Variants in CCDC192 observed in about 807,000 individuals in gnomAD.
The protein encoded by CCDC192 is coiled-coil domain-containing protein 192.
At chr5:127,729,935 C>T (rs186145522) in intron 2 of CCDC192, among the ~76,000 whole-genome samples, 5 of 152,038 alleles carry the variant, frequency 3.3e-5, no homozygotes, top group Non-Finnish European at 5.9e-5. Flanking sequence ...GATCTCAAAT[C>T]GACATCGTAA....
At chr5:127,705,087 G>A (rs1237270284) in intron 1 of CCDC192, among the ~76,000 whole-genome samples, 2 of 152,102 alleles carry the variant, frequency 1.3e-5, no homozygotes, top group Non-Finnish European at 2.9e-5. Context: ...AGTGAACCCT[G>A]AAGTAAGAAA....
chr5:127,737,242 T>G (rs1170217846), intron 2 of CCDC192, among the ~76,000 whole-genome samples: 166 of 152,184 alleles, frequency 1.1e-3, no homozygotes, highest in East Asian at 3.9e-3. Context: ...GAGCGGTTTT[T>G]AGTGAGATTC....
chr5:127,784,543 T>C, intron 3 of CCDC192: 1 of 408,208 alleles, frequency 2.4e-6, no homozygotes. Context: ...TGCTGTAAAC[T>C]TGAGTTGTTT....
chr5:127,843,936 A>C (rs1750415966), intron 5 of CCDC192, among the ~76,000 whole-genome samples: 1 of 152,368 alleles, frequency 6.6e-6, no homozygotes, highest in Middle Eastern at 3.4e-3. Context: ...TAACTGTTTT[A>C]ATCTTCTTTA....
At chr5:127,851,157 C>A (rs1008618258) in intron 5 of CCDC192, among the ~76,000 whole-genome samples, 1 of 152,138 alleles carries the variant, frequency 6.6e-6, no homozygotes. Context: ...TTTCTGATCT[C>A]ATTCTCCAAA....
chr5:127,775,566 C>T (rs2126920380), intron 3 of CCDC192, among the ~76,000 whole-genome samples: 1 of 152,334 alleles, frequency 6.6e-6, no homozygotes, highest in Non-Finnish European at 1.5e-5. Flanking sequence ...CAATCATCTC[C>T]TGATTTCTTA....
In CCDC192 at chr5:127,800,919, A is replaced by C. The variant is rs552978267; in HGVS notation, c.411+2757A>C. On this transcript the variant is annotated intron_variant, in intron 5 of 6. Coordinates refer to ENST00000514853, the MANE Select transcript of CCDC192 (RefSeq NM_001317938.2). ...GCTCTTTTTAATCGTCTTATATTTT[A>C]ATTATTGTAACTGGCCCCAAATTGT... Among the ~76,000 whole-genome samples, 49 of 152,234 alleles carry C rather than the reference A, an allele frequency of 3.2e-4. 1 individual carries two copies. The highest frequency in any genetic ancestry group is 1.2e-3 in the African/African-American group (49 of 41,550).
chr5:127,804,899 A>T (rs1335694595), intron 5 of CCDC192, among the ~76,000 whole-genome samples: 1 of 152,152 alleles, frequency 6.6e-6, no homozygotes, highest in Non-Finnish European at 1.5e-5. Context: ...TGACCAGGAC[A>T]TTGTCCCCGA....
intron 5 of CCDC192, among the ~76,000 whole-genome samples, chr5:127,811,067 C>T (rs1047365537): frequency 2.6e-5 from 4 of 152,176 alleles, no homozygotes; most frequent in African/African-American, 4.8e-5. Context: ...CATCAGGCCT[C>T]TTTACATATA....
chr5:127,870,544 G>C (rs1220485882), intron 5 of CCDC192, among the ~76,000 whole-genome samples: 1 of 152,236 alleles, frequency 6.6e-6, no homozygotes, highest in East Asian at 1.9e-4. Context: ...ACAAGGATTA[G>C]GTCCAGCTGA....
chr5:127,808,741 T>G (rs1214387353), intron 5 of CCDC192, among the ~76,000 whole-genome samples: 2 of 152,216 alleles, frequency 1.3e-5, no homozygotes, highest in African/African-American at 4.8e-5. Flanking sequence ...TCCTTGTGCA[T>G]ATTCCATGGA....
chr5:127,792,590 C>T (rs1281222586), intron 3 of CCDC192, among the ~76,000 whole-genome samples: 1 of 151,256 alleles, frequency 6.6e-6, no homozygotes, highest in Admixed American at 6.6e-5. Flanking sequence ...GCTGTAGTCT[C>T]AGCTACCCAG....
intron 2 of CCDC192, among the ~76,000 whole-genome samples, chr5:127,732,191 C>T (rs1424273694): frequency 2.6e-5 from 4 of 151,670 alleles, no homozygotes; most frequent in African/African-American, 9.7e-5. Flanking sequence ...AAGACATGAA[C>T]AGACACTTCT....
intron 6 of CCDC192, among the ~76,000 whole-genome samples, chr5:127,888,876 C>G (rs186800212): frequency 6.6e-6 from 1 of 152,098 alleles, no homozygotes; most frequent in Non-Finnish European, 1.5e-5. Flanking sequence ...CTAATCTTTT[C>G]TTTTTCATAG....
chr5:127,867,870 A>G (rs912785706), intron 5 of CCDC192, among the ~76,000 whole-genome samples: 2 of 152,208 alleles, frequency 1.3e-5, no homozygotes, highest in Non-Finnish European at 2.9e-5. Context: ...CTGGGTAAAA[A>G]GATTTGGCAG....
intron 2 of CCDC192, among the ~76,000 whole-genome samples, chr5:127,733,930 TA>T (rs201419404): frequency 0.032 from 4,613 of 142,744 alleles, 240 homozygotes; most frequent in African/African-American, 0.12. Flanking sequence ...TATATATATA[TA>T]TTTTTTTATT....
intron 6 of CCDC192, among the ~76,000 whole-genome samples, chr5:127,887,204 A>C (rs245175): frequency 0.71 from 108,254 of 151,516 alleles, 39,085 homozygotes; most frequent in African/African-American, 0.83. Context: ...TGGTGCATGC[A>C]TGTAATCCCA....
At chr5:127,717,160 G>C (rs1381487320) in intron 2 of CCDC192, among the ~76,000 whole-genome samples, 2 of 152,074 alleles carry the variant, frequency 1.3e-5, no homozygotes, top group African/African-American at 4.8e-5. Flanking sequence ...ATATCTGCTT[G>C]CAAACTTCAG....
chr5:127,739,377 C>G (rs1183453522), intron 2 of CCDC192, among the ~76,000 whole-genome samples: 4 of 152,094 alleles, frequency 2.6e-5, no homozygotes, highest in Non-Finnish European at 5.9e-5. Context: ...TTACTGCTGT[C>G]TTTTTGTTTG....
Sources: allele counts gnomAD v4.1 joint callset (sites outside exome capture counted in the v4.1 genomes callset), GRCh38; gene constraint gnomAD v4.1.1; transcripts MANE v1.5; gene names NCBI Gene and HGNC (gene_info 2026-07-23, HGNC 2026-07-21).